Variants in JAZF1 observed in about 807,000 individuals in gnomAD.
JAZF1 encodes the protein JAZF zinc finger 1.
In JAZF1, 8 loss-of-function variants were observed where a neutral mutation model predicts 26.4. The ratio of observed to expected loss-of-function variants is 0.30; its 90% confidence interval spans 0.18 to 0.55. The LOEUF is 0.55. Among genes scored for constraint, JAZF1 ranks in the 20% least tolerant of loss-of-function variants. The pLI is 0.94. For missense variants in JAZF1, 199 were observed against 322.0 expected (o/e 0.62, Z 2.92); for synonymous variants, 126 against 122.3 (o/e 1.03, Z -0.20).
At chr7:27,997,079 C>T (rs998924907) in intron 1 of JAZF1, among the ~76,000 whole-genome samples, 2 of 152,028 alleles carry the variant, frequency 1.3e-5, no homozygotes, top group Admixed American at 6.6e-5. Context: ...AAATGGAAAA[C>T]CCATACAGGA....
chr7:27,965,693 T>G (rs1785261462), intron 2 of JAZF1, among the ~76,000 whole-genome samples: 1 of 152,226 alleles, frequency 6.6e-6, no homozygotes, highest in Non-Finnish European at 1.5e-5. Context: ...GCATATTAGA[T>G]TTCGGTAGTC....
At chr7:27,892,038 A>G (rs565147023) in intron 3 of JAZF1, among the ~76,000 whole-genome samples, 1 of 152,334 alleles carries the variant, frequency 6.6e-6, no homozygotes, top group Admixed American at 6.5e-5. Context: ...TAGAACTTGC[A>G]AGAGTGAATT....
intron 2 of JAZF1, among the ~76,000 whole-genome samples, chr7:27,904,923 G>C (rs1583456863): frequency 7.1e-6 from 1 of 141,750 alleles, no homozygotes; most frequent in East Asian, 2.3e-4. Context: ...CATTAAGAGA[G>C]ACGTTATTTT....
Position 27,832,150 on chromosome 7 carries a change from G to A in JAZF1, c.*650C>T, listed in dbSNP as rs970617557. 8.0e-5 allele frequency: 17 copies of A among 213,258 alleles called. No individual in the cohort carries two copies. Among genetic ancestry groups the A allele is most frequent in the Admixed American group, 3.5e-4 (6 of 17,054 alleles). 13.2% of individuals were successfully genotyped at this position (213,258 alleles called of 1,614,324 possible). A position where few individuals can be genotyped will look rare whatever the true frequency, so the allele number is the denominator to read the frequency against. ...TAACACTAAAATGACTAGTAAGTCA[G>A]ATGGCAAGATTTTCAGCTTTTTAAA... On this transcript the variant is annotated 3_prime_UTR_variant, in exon 5 of 5. Coordinates refer to ENST00000283928, the MANE Select transcript of JAZF1 (RefSeq NM_175061.4).
chr7:27,958,101 C>T (rs1332317356), intron 2 of JAZF1, among the ~76,000 whole-genome samples: 1 of 152,160 alleles, frequency 6.6e-6, no homozygotes, highest in African/African-American at 2.4e-5. Flanking sequence ...TTTACTCATA[C>T]ATTTCTTACT....
intron 3 of JAZF1, among the ~76,000 whole-genome samples, chr7:27,851,642 G>C (rs1783152618): frequency 1.3e-5 from 2 of 152,090 alleles, no homozygotes; most frequent in African/African-American, 4.8e-5. Flanking sequence ...TGCAGTGAGT[G>C]GTGATGGCAC....
chr7:28,155,717 C>T (rs1783171984), intron 1 of JAZF1, among the ~76,000 whole-genome samples: 1 of 152,172 alleles, frequency 6.6e-6, no homozygotes, highest in South Asian at 2.1e-4. Flanking sequence ...ATGACCCATG[C>T]AGAAGAGACC....
rs113967585 is a variant in JAZF1, at chr7:28,000,722, G to A, written c.116-8741C>T. On this transcript the variant is annotated intron_variant, in intron 1 of 4. Transcript: ENST00000283928. ...CAACCTCTGCCTCCCACGTTCAATC[G>A]ATTCTCATGCCTCAGCCTCCTGAGT... 7.9e-3 allele frequency among the ~76,000 whole-genome samples: 1,160 copies of A among 146,858 alleles called. 9 individuals carry two copies. The highest frequency in any genetic ancestry group is 0.014 in the Admixed American group (207 of 14,380).
intron 1 of JAZF1, among the ~76,000 whole-genome samples, chr7:28,104,198 G>A (rs1784517237): frequency 6.6e-6 from 1 of 152,036 alleles, no homozygotes; most frequent in African/African-American, 2.4e-5. Flanking sequence ...GCCACCCTAG[G>A]TAGTACTGTG....
In JAZF1 at chr7:27,907,857, C is replaced by A. The variant is rs537684181; in HGVS notation, c.189-12441G>T. Among the ~76,000 whole-genome samples the A allele has an allele frequency of 5.7e-4, 87 of 152,332 alleles. 1 individual carries two copies. Among genetic ancestry groups the A allele is most frequent in the African/African-American group, 2.0e-3 (82 of 41,574 alleles). On this transcript the variant is annotated intron_variant, in intron 2 of 4. Transcript: ENST00000283928. The stretch of plus-strand genomic sequence containing the variant: ...CACGAATCGATTACAGCACTCTTGC[C>A]TGTGCTGCTTTGGGACTCAGCCTTA...
intron 1 of JAZF1, among the ~76,000 whole-genome samples, chr7:28,017,146 T>C (rs1782908524): frequency 6.6e-6 from 1 of 151,882 alleles, no homozygotes; most frequent in South Asian, 2.1e-4. Flanking sequence ...AGGTCAGGAG[T>C]TCGAGACCAG....
intron 2 of JAZF1, among the ~76,000 whole-genome samples, chr7:27,911,754 G>A (rs140585305): frequency 6.6e-6 from 1 of 152,266 alleles, no homozygotes; most frequent in East Asian, 1.9e-4. Flanking sequence ...CAGTGATCTA[G>A]ATTTGGGAGT....
At chr7:27,865,033 T>C (rs1414076440) in intron 3 of JAZF1, among the ~76,000 whole-genome samples, 1 of 152,066 alleles carries the variant, frequency 6.6e-6, no homozygotes, top group South Asian at 2.1e-4. Context: ...ATGACGAGCA[T>C]TTGAAAAGGG....
chr7:27,995,951 G>C, intron 1 of JAZF1, among the ~76,000 whole-genome samples: 1 of 152,162 alleles, frequency 6.6e-6, no homozygotes, highest in East Asian at 1.9e-4. Flanking sequence ...AACTGGAACT[G>C]CAACGTGACC....
intron 1 of JAZF1, among the ~76,000 whole-genome samples, chr7:28,060,198 T>C (rs1783777207): frequency 6.6e-6 from 1 of 152,198 alleles, no homozygotes; most frequent in Admixed American, 6.5e-5. Flanking sequence ...ATTTTCTTTG[T>C]TATTTCAATA....
intron 2 of JAZF1, among the ~76,000 whole-genome samples, chr7:27,979,927 C>G (rs777648735): frequency 1.2e-4 from 18 of 152,164 alleles, no homozygotes; most frequent in Non-Finnish European, 2.2e-4. Context: ...TTACTGGTTA[C>G]CTCTCTCATA....
intron 1 of JAZF1, among the ~76,000 whole-genome samples, chr7:28,108,786 G>A (rs1030409000): frequency 2.0e-5 from 3 of 152,168 alleles, no homozygotes; most frequent in African/African-American, 7.2e-5. Context: ...CAATAGCTAA[G>A]CCATGGAAAC....
chr7:28,032,186 C>T (rs141173387), intron 1 of JAZF1, among the ~76,000 whole-genome samples: 2 of 152,286 alleles, frequency 1.3e-5, no homozygotes, highest in East Asian at 3.9e-4. Context: ...AACATGATTT[C>T]TTCCTTACTT....
intron 1 of JAZF1, among the ~76,000 whole-genome samples, chr7:27,997,157 T>C (rs1786033673): frequency 6.6e-6 from 1 of 152,176 alleles, no homozygotes; most frequent in Non-Finnish European, 1.5e-5. Flanking sequence ...AGCCAGGATC[T>C]GAAGACCCTG....
Sources: gnomAD v4.1 joint callset for allele counts (sites outside exome capture counted in the v4.1 genomes callset) on GRCh38, gnomAD v4.1.1 for gene constraint, MANE v1.5 for transcripts, NCBI Gene and HGNC (gene_info 2026-07-23, HGNC 2026-07-21) for gene names.